The following KIFC1 variants were observed in gnomAD, a reference collection of about 807,000 sequenced individuals.
The protein encoded by KIFC1 is kinesin-like protein KIFC1.
A neutral mutation model predicts 66.6 loss-of-function variants in KIFC1; 37 were observed. The ratio of observed to expected loss-of-function variants is 0.56; its 90% CI spans 0.43 to 0.73. The LOEUF (loss-of-function observed/expected upper bound fraction) is 0.73, where lower values mean the gene tolerates loss of function less well. Among genes scored for constraint, KIFC1 ranks in the 30% least tolerant of loss-of-function variants. The pLI is 0.00. For missense variants in KIFC1, 721 were observed against 859.8 expected (o/e 0.84, Z 2.02); for synonymous variants, 325 against 343.5 (o/e 0.95, Z 0.60).
Position 33,401,994 on chromosome 6 carries a change from A to G in KIFC1, c.251-1320A>G, listed in dbSNP as rs1272936447. 6.6e-6 allele frequency among the ~76,000 whole-genome samples: 1 copy of G among 152,102 alleles called. No individual in the cohort carries two copies. The highest frequency in any genetic ancestry group is 1.5e-5 in the Non-Finnish European group (1 of 68,016). On this transcript the variant is annotated intron_variant, in intron 3 of 10. Coordinates refer to ENST00000428849, the MANE Select transcript of KIFC1 (RefSeq NM_002263.4). This position sits in a 1 kb window ranked among gnomAD's most constrained non-coding sequence, Gnocchi z 4.5. ...TGCTGGGATTACAGGCGTGAGCCACAGTGCCTGGCCTGGAATGCCTTTTGA... is the reference window on the plus strand; with the variant it reads ...TGCTGGGATTACAGGCGTGAGCCACGGTGCCTGGCCTGGAATGCCTTTTGA...
rs1483793913 is a variant in KIFC1, at chr6:33,398,010, G to T, written c.13-19G>T. ...TTTGGGCTCCTGGGTATTGTCTTAA[G>T]GGTCTCTTTTCCCAACAGAGGTCCC... On this transcript the variant is annotated intron_variant, in intron 1 of 10. Transcript: ENST00000428849. 1.9e-6 allele frequency: 3 copies of T among 1,613,676 alleles called. No homozygotes were observed. The highest frequency in any genetic ancestry group is 2.5e-6 in the Non-Finnish European group (3 of 1,179,856).
chr6:33,392,193 G>A (rs982550250), intron 1 of KIFC1, among the ~76,000 whole-genome samples, 196 bp downstream of exon 1: 2 of 152,234 alleles, frequency 1.3e-5, no homozygotes, highest in Non-Finnish European at 2.9e-5. Context: ...GAGGTCGGAA[G>A]GCACGTCTGT....
chr6:33,406,913 G>T lies in KIFC1; in HGVS notation c.1977+38G>T. 1.9e-6 allele frequency: 3 copies of T among 1,613,238 alleles called. No homozygotes were observed. The highest frequency in any genetic ancestry group is 2.5e-6 in the Non-Finnish European group (3 of 1,179,612). ...CCCGTCAGCCTTGTCAGGACCCGTG[G>T]GTGGTTGTAGGCTTCTCCATTCCAA... On this transcript the variant is annotated intron_variant, in intron 10 of 10. Coordinates refer to ENST00000428849, the MANE Select transcript of KIFC1 (RefSeq NM_002263.4). The surrounding 1 kb of genome is among the most constrained non-coding windows in gnomAD (Gnocchi z 4.5).
In KIFC1 at chr6:33,406,109, G is replaced by A; in HGVS notation, c.1537-87G>A. On this transcript the variant is annotated intron_variant, in intron 7 of 10. Transcript: ENST00000428849. The surrounding 1 kb of genome is among the most constrained non-coding windows in gnomAD (Gnocchi z 4.5). ...TGACAGGCTAGAAAGCTTCAAGAGG[G>A]TGGGGGTGGGCTCTTATTCATTTCC... is the stretch of plus-strand genomic sequence containing the variant. 1 of 1,252,354 alleles carries A rather than the reference G, an allele frequency of 8.0e-7. No homozygotes were observed. Among genetic ancestry groups the A allele is most frequent in the Non-Finnish European group, 1.1e-6 (1 of 896,802 alleles). The allele number at this position is 1,252,354 out of a possible 1,614,324, so 77.6% of individuals were successfully genotyped here.
chr6:33,409,300 C>G (rs1174951934), intron 10 of KIFC1, among the ~76,000 whole-genome samples: 4 of 152,102 alleles, frequency 2.6e-5, no homozygotes, highest in African/African-American at 7.2e-5. Context: ...CTAAGGAGTC[C>G]TAGTTCCTAA....
chr6:33,405,566 G>C lies in KIFC1; in HGVS notation c.1471G>C (p.Gly491Arg), dbSNP rs753485302. The C allele has an allele frequency of 6.3e-7, 1 of 1,579,906 alleles. No individual in the cohort carries two copies. Among genetic ancestry groups the C allele is most frequent in the East Asian group, 2.2e-5 (1 of 44,688 alleles). ...QGGECEIRRA[G>R]PGSEELTVTN... ...GGGCGAGTGTGAGATTCGCCGTGCAGGGCCAGGGAGTGAGGAGCTCACTGT... is the reference window on the plus strand; with the variant it reads ...GGGCGAGTGTGAGATTCGCCGTGCACGGCCAGGGAGTGAGGAGCTCACTGT... The change falls in exon 7 of 11, where the codon GGG becomes CGG. Residue 491 changes from glycine (G) to arginine (R), a missense_variant. Coordinates refer to ENST00000428849, the MANE Select transcript of KIFC1 (RefSeq NM_002263.4). This position sits in a 1 kb window ranked among gnomAD's most constrained non-coding sequence, Gnocchi z 5.4.
Position 33,404,047 on chromosome 6 carries a change from G to T in KIFC1, c.674G>T (p.Gly225Val). 6.2e-7 allele frequency: 1 copy of T among 1,614,198 alleles called. No individual in the cohort carries two copies. The highest frequency in any genetic ancestry group is 1.3e-5 in the African/African-American group (1 of 75,038). ...GAAGAGCGGCTGAGCACGCAGGAGG[G>T]CTTGGTGCAAGAGCTTCAGAAAAAA... Reference protein sequence around the residue: ...ELEERLSTQEGLVQELQKKQV... With the variant: ...ELEERLSTQEVLVQELQKKQV... Residue 225 changes from glycine (G) to valine (V), a missense_variant, in exon 6 of 11, where the codon GGC becomes GTC. Physicochemically the swap from Gly to Val is moderately radical, Grantham distance 109. Transcript: ENST00000428849. The surrounding 1 kb of genome is among the most constrained non-coding windows in gnomAD (Gnocchi z 4.0).
In KIFC1 at chr6:33,409,705, CTGTGTGTGTGTGTGTGTGTGTGTGTG is replaced by C. The variant is rs3066474; in HGVS notation, c.*39_*64del. 160 of 1,264,512 alleles carry C rather than the reference CTGTGTGTGTGTGTGTGTGTGTGTGTG, an allele frequency of 1.3e-4. No individual in the cohort carries two copies. Among genetic ancestry groups the C allele is most frequent in the East Asian group, 2.5e-4 (10 of 39,758 alleles). The allele number at this position is 1,264,512 out of a possible 1,614,324, so 78.3% of individuals were successfully genotyped here. A position where few individuals can be genotyped will look rare whatever the true frequency, so the allele number is the denominator to read the frequency against. ...ACAGGAAGTGAAGACGGATCCAGATCTGTGTGTGTGTGTGTGTGTGTGTGTGTGTGTGTGTGTGTGTGTGTGTGTCC... is the reference window on the plus strand; with the variant it reads ...ACAGGAAGTGAAGACGGATCCAGATCTGTGTGTGTGTGTGTGTGTGTGTCC... On this transcript the variant is annotated 3_prime_UTR_variant, in exon 11 of 11. Coordinates refer to ENST00000428849, the MANE Select transcript of KIFC1 (RefSeq NM_002263.4).
Position 33,396,987 on chromosome 6 carries a change from C to CTTTTT in KIFC1, c.13-1026_13-1022dup, listed in dbSNP as rs9282514. Among the ~76,000 whole-genome samples, 95 of 89,212 alleles carry CTTTTT rather than the reference C, an allele frequency of 1.1e-3. 4 individuals are homozygous for CTTTTT. The highest frequency in any genetic ancestry group is 0.015 in the Middle Eastern group (1 of 68). The allele number at this position is 89,212 out of a possible 152,430, so 58.5% of individuals were successfully genotyped here. ...ATAAGCCACCGCGCCTGGCCAAGTTCTTTTTTTTTTTTTTTTTTTTGAGAC... is the reference window on the plus strand; with the variant it reads ...ATAAGCCACCGCGCCTGGCCAAGTTCTTTTTTTTTTTTTTTTTTTTTTTTTGAGAC... On this transcript the variant is annotated intron_variant, in intron 1 of 10. Coordinates refer to ENST00000428849, the MANE Select transcript of KIFC1 (RefSeq NM_002263.4).
intron 10 of KIFC1, among the ~76,000 whole-genome samples, chr6:33,409,164 TCAA>T (rs578220541): frequency 1.3e-4 from 20 of 152,222 alleles, no homozygotes; most frequent in South Asian, 4.1e-4. Context: ...AGACTCCGTC[TCAA>T]CAACAACAAC....
At chr6:33,395,504 G>A (rs957919611) in intron 1 of KIFC1, among the ~76,000 whole-genome samples, 2 of 151,556 alleles carry the variant, frequency 1.3e-5, no homozygotes, top group Non-Finnish European at 2.9e-5. Flanking sequence ...TGAGGTGGAT[G>A]TAGGCAGGGT....
At chr6:33,392,434 C>T (rs1436525437) in intron 1 of KIFC1, among the ~76,000 whole-genome samples, 1 of 152,204 alleles carries the variant, frequency 6.6e-6, no homozygotes, top group Non-Finnish European at 1.5e-5. Context: ...AATCGCCTCT[C>T]CTTATCACTG....
At chr6:33,394,619 T>C (rs1774944737) in intron 1 of KIFC1, among the ~76,000 whole-genome samples, 1 of 152,182 alleles carries the variant, frequency 6.6e-6, no homozygotes, top group African/African-American at 2.4e-5. Context: ...GTAGCTGGGA[T>C]TACAGGCACG....
intron 10 of KIFC1, among the ~76,000 whole-genome samples, chr6:33,407,860 C>A (rs554805800): frequency 3.1e-4 from 47 of 152,326 alleles, no homozygotes; most frequent in African/African-American, 1.1e-3. Flanking sequence ...CTCTGGTACA[C>A]CCTCCTCCTG....
chr6:33,403,628 A>G lies in KIFC1; in HGVS notation c.355+93A>G. On this transcript the variant is annotated intron_variant, in intron 5 of 10. Coordinates refer to ENST00000428849, the MANE Select transcript of KIFC1 (RefSeq NM_002263.4). This position sits in a 1 kb window ranked among gnomAD's most constrained non-coding sequence, Gnocchi z 4.6. ...AAAATCCATTTGGTCTCTAAGGGGA[A>G]GGAGATGTAGCATCAGGTGTGGATC... is the stretch of plus-strand genomic sequence containing the variant. 4 of 1,572,482 alleles carry G rather than the reference A, an allele frequency of 2.5e-6. No individual in the cohort carries two copies. Among genetic ancestry groups the G allele is most frequent in the Non-Finnish European group, 3.5e-6 (4 of 1,142,850 alleles).
rs780188691 is a variant in KIFC1 at position 33,405,600 on chromosome 6, C to T, written c.1505C>T (p.Ala502Val). Residue 502 changes from alanine to valine, a missense_variant, in exon 7 of 11, where the codon GCT becomes GTT. Physicochemically the swap from Ala to Val is moderately conservative, Grantham distance 64. Transcript: ENST00000428849. This position sits in a 1 kb window ranked among gnomAD's most constrained non-coding sequence, Gnocchi z 5.4. ...AGTGAGGAGCTCACTGTCACCAATG[C>T]TCGATATGTCCCTGTCTCCTGTGAG... is the stretch of plus-strand genomic sequence containing the variant. ...PGSEELTVTN[A>V]RYVPVSCEKE... The T allele has an allele frequency of 1.3e-6, 2 of 1,539,280 alleles. No individual in the cohort carries two copies. The highest frequency in any genetic ancestry group is 2.3e-5 in the East Asian group (1 of 44,264).
chr6:33,405,714 C>A lies in KIFC1; in HGVS notation c.1536+83C>A. ...AGATGGAGGTAGAGGGAGAAAGGAG[C>A]AAGAGAGAATTGAAGGATGAAGTGC... On this transcript the variant is annotated intron_variant, in intron 7 of 10. Transcript: ENST00000428849. The surrounding 1 kb of genome is among the most constrained non-coding windows in gnomAD (Gnocchi z 5.4). 3 of 1,323,372 alleles carry A rather than the reference C, an allele frequency of 2.3e-6. No homozygotes were observed. The highest frequency in any genetic ancestry group is 3.0e-6 in the Non-Finnish European group (3 of 1,005,572). The allele number at this position is 1,323,372 out of a possible 1,614,324, so 82.0% of individuals were successfully genotyped here.
intron 1 of KIFC1, among the ~76,000 whole-genome samples, chr6:33,396,504 G>A (rs1449005655): frequency 7.1e-6 from 1 of 140,576 alleles, no homozygotes; most frequent in Non-Finnish European, 1.5e-5. Flanking sequence ...GGAGTGCAGT[G>A]GCATGATCAC....
Position 33,405,081 on chromosome 6 carries a change from CT to C in KIFC1, c.987del (p.Gly330AlafsTer31), listed in dbSNP as rs748926426. The C allele has an allele frequency of 3.1e-6, 5 of 1,614,148 alleles. No homozygotes were observed. The highest frequency in any genetic ancestry group is 8.5e-7 in the Non-Finnish European group (1 of 1,179,992). ...CTGCCGGGGGAGCCCACTCCACCCC[CT>C]GGCCTCCTCCTGTTTCCCTCTGGCC... ...PVLPGEPTPPPGLLLFPSGPG... is the reference protein window; with the variant it reads ...PVLPGEPTPPXGLLLFPSGPG... On this transcript the variant is annotated frameshift_variant, in exon 7 of 11. Transcript: ENST00000428849. LOFTEE classifies it high-confidence loss of function. The surrounding 1 kb of genome is among the most constrained non-coding windows in gnomAD (Gnocchi z 5.4).
Sources: gnomAD v4.1 joint callset for allele counts (sites outside exome capture counted in the v4.1 genomes callset) on GRCh38, gnomAD v4.1.1 for gene constraint, Gnocchi (gnomAD v3.1) non-coding constraint, MANE v1.5 for transcripts, NCBI Gene and HGNC (gene_info 2026-07-23, HGNC 2026-07-21) for gene names.